Variants in RALGPS1 observed in about 807,000 individuals in gnomAD.
RALGPS1 encodes Ral GEF with PH domain and SH3 binding motif 1.
A neutral mutation model predicts 78.8 loss-of-function variants in RALGPS1; 19 were observed. The observed-to-expected ratio is 0.24, with a 90% CI of 0.17 to 0.35. RALGPS1 has a LOEUF of 0.35. Ranked by LOEUF, RALGPS1 falls within the 10% of genes least tolerant of loss-of-function variation. The pLI, the probability that RALGPS1 is intolerant of heterozygous loss-of-function variation, is 1.00. For missense variants in RALGPS1, 454 were observed against 688.3 expected, an observed-to-expected ratio of 0.66 and a Z score of 3.81; for synonymous variants, 228 against 256.3, an observed-to-expected ratio of 0.89 and a Z score of 1.06.
chr9:127,078,778 C>CT (rs35890528), intron 8 of RALGPS1, among the ~76,000 whole-genome samples: 24 of 152,170 alleles, frequency 1.6e-4, no homozygotes, highest in African/African-American at 5.6e-4. Context: ...TGGTAGGAAT[C>CT]TTTATACTCA....
chr9:126,928,838 G>A (rs2035541996), intron 1 of RALGPS1, among the ~76,000 whole-genome samples: 2 of 152,084 alleles, frequency 1.3e-5, no homozygotes, highest in South Asian at 4.2e-4. Context: ...CTGACCTCAG[G>A]TGATCCACCC....
chr9:127,030,800 C>T (rs1191916100), intron 4 of RALGPS1, among the ~76,000 whole-genome samples: 1 of 151,914 alleles, frequency 6.6e-6, no homozygotes, highest in Non-Finnish European at 1.5e-5. Flanking sequence ...AGGAAGAGAG[C>T]GAAAGAAGCC....
chr9:126,923,761 A>G (rs2034997544), intron 1 of RALGPS1, among the ~76,000 whole-genome samples: 1 of 152,170 alleles, frequency 6.6e-6, no homozygotes, highest in South Asian at 2.1e-4. Flanking sequence ...CCTTCAGCTC[A>G]TGGCCTCAAG....
chr9:127,081,885 G>T (rs1418746476), intron 8 of RALGPS1, among the ~76,000 whole-genome samples: 1 of 152,256 alleles, frequency 6.6e-6, no homozygotes, highest in Non-Finnish European at 1.5e-5. Flanking sequence ...AGCGCTGTGG[G>T]AATGCCACGC....
At chr9:127,195,540 C>T (rs1041561188) in intron 12 of RALGPS1, among the ~76,000 whole-genome samples, 1 of 152,224 alleles carries the variant, frequency 6.6e-6, no homozygotes, top group Non-Finnish European at 1.5e-5. Flanking sequence ...GTTAATGACT[C>T]ATGGAAAACC....
At chr9:127,103,171 T>C (rs2053899337) in intron 8 of RALGPS1, among the ~76,000 whole-genome samples, 1 of 152,258 alleles carries the variant, frequency 6.6e-6, no homozygotes, top group Admixed American at 6.5e-5. Flanking sequence ...TTCTCTGTTT[T>C]AAAACATACC....
intron 4 of RALGPS1, among the ~76,000 whole-genome samples, chr9:127,008,170 G>A (rs1438536416): frequency 6.6e-6 from 1 of 151,924 alleles, no homozygotes; most frequent in South Asian, 2.1e-4. Flanking sequence ...GTGGGGGTGG[G>A]GCGGGTATGT....
At chr9:127,148,333 A>C (rs2058222200) in intron 8 of RALGPS1, among the ~76,000 whole-genome samples, 1 of 152,182 alleles carries the variant, frequency 6.6e-6, no homozygotes, top group Non-Finnish European at 1.5e-5. Context: ...CATGGAAGAG[A>C]GGAAGGACAC....
intron 8 of RALGPS1, among the ~76,000 whole-genome samples, chr9:127,094,544 C>CCTA (rs1430828899): frequency 6.6e-6 from 1 of 152,250 alleles, no homozygotes; most frequent in Non-Finnish European, 1.5e-5. Context: ...TCACAGGGGC[C>CCTA]TAGGCCATGC....
At chr9:127,170,485 A>T (rs1006487268) in intron 10 of RALGPS1, among the ~76,000 whole-genome samples, 1 of 152,256 alleles carries the variant, frequency 6.6e-6, no homozygotes, top group Non-Finnish European at 1.5e-5. Context: ...AATAGATGAA[A>T]GCCAGAGATT....
In RALGPS1 at chr9:126,962,335, G is replaced by A. The variant is rs1213901833; in HGVS notation, c.46G>A (p.Ala16Thr). The A allele has an allele frequency of 1.2e-6, 2 of 1,614,106 alleles. No individual in the cohort carries two copies. Among genetic ancestry groups the A allele is most frequent in the Admixed American group, 3.3e-5 (2 of 60,024 alleles). Residue 16 changes from alanine (A) to threonine (T), a missense_variant, in exon 2 of 19, where the codon GCC (alanine) becomes ACC (threonine). By Grantham distance (58) the Ala-to-Thr change is moderately conservative. Coordinates refer to ENST00000259351, the MANE Select transcript of RALGPS1 (RefSeq NM_014636.3). ...GLMASVLVTS[A>T]TPQGSSSSDS... is the part of the protein sequence containing the mutation. Reference sequence around the variant, plus strand: ...GATGGCTAGCGTGTTGGTCACCTCTGCCACTCCACAGGTACTGAGGCTGCA... The same window carrying A: ...GATGGCTAGCGTGTTGGTCACCTCTACCACTCCACAGGTACTGAGGCTGCA...
At chr9:126,955,269 C>T (rs2038236425) in intron 1 of RALGPS1, among the ~76,000 whole-genome samples, 1 of 152,184 alleles carries the variant, frequency 6.6e-6, no homozygotes, top group South Asian at 2.1e-4. Flanking sequence ...ACCTTGTGTG[C>T]CCAGTGCCTG....
At chr9:127,095,476 T>G (rs1480083470) in intron 8 of RALGPS1, among the ~76,000 whole-genome samples, 1 of 152,250 alleles carries the variant, frequency 6.6e-6, no homozygotes, top group Admixed American at 6.5e-5. Flanking sequence ...TACCATTGTA[T>G]GTTTTCTATC....
At chr9:126,968,612 C>T (rs1371965273) in intron 3 of RALGPS1, among the ~76,000 whole-genome samples, 1 of 152,138 alleles carries the variant, frequency 6.6e-6, no homozygotes, top group African/African-American at 2.4e-5. Context: ...TACTGATAAG[C>T]GAGTCAACAC....
rs1425882154 is a variant in RALGPS1, at chr9:127,091,271, G to A, written c.610+21915G>A. Among the ~76,000 whole-genome samples, 2 of 152,212 alleles carry A rather than the reference G, an allele frequency of 1.3e-5. No individual in the cohort carries two copies. The highest frequency in any genetic ancestry group is 2.4e-5 in the African/African-American group (1 of 41,456). On this transcript the variant is annotated intron_variant, in intron 8 of 18. Coordinates refer to ENST00000259351, the MANE Select transcript of RALGPS1 (RefSeq NM_014636.3). The surrounding 1 kb of genome is among the most constrained non-coding windows in gnomAD (Gnocchi z 4.3). ...AGGACACATGGCTGGTAGGAGGTGGGGCCAGCACTGGAGCCCAGGTGTGTG... is the reference window on the plus strand; with the variant it reads ...AGGACACATGGCTGGTAGGAGGTGGAGCCAGCACTGGAGCCCAGGTGTGTG...
intron 1 of RALGPS1, among the ~76,000 whole-genome samples, chr9:126,931,928 A>G (rs1011901388): frequency 6.6e-6 from 1 of 152,170 alleles, no homozygotes. Context: ...GTCTGCCTCA[A>G]AGTTGAGTTG....
chr9:127,037,077 G>T (rs2046924787), intron 5 of RALGPS1, among the ~76,000 whole-genome samples: 1 of 152,166 alleles, frequency 6.6e-6, no homozygotes, highest in East Asian at 1.9e-4. Context: ...TATAAAACAG[G>T]AAGAATCATT....
At chr9:127,192,693 A>T (rs1413904836) in intron 11 of RALGPS1, among the ~76,000 whole-genome samples, 1 of 152,190 alleles carries the variant, frequency 6.6e-6, no homozygotes, top group Non-Finnish European at 1.5e-5. Flanking sequence ...TGTAGTCAAG[A>T]TTTAAGAGTC....
At chr9:126,984,440 C>T (rs921156662) in intron 4 of RALGPS1, among the ~76,000 whole-genome samples, 2 of 152,210 alleles carry the variant, frequency 1.3e-5, no homozygotes, top group African/African-American at 4.8e-5. Context: ...TTTTCCTCAT[C>T]AGCTAGGGCT....
Sources: gnomAD v4.1 joint callset for allele counts (sites outside exome capture counted in the v4.1 genomes callset) on GRCh38, gnomAD v4.1.1 for gene constraint, Gnocchi (gnomAD v3.1) non-coding constraint, MANE v1.5 for transcripts, NCBI Gene and HGNC (gene_info 2026-07-23, HGNC 2026-07-21) for gene names.